The following ANAPC5 variants were observed in gnomAD, a reference collection of about 807,000 sequenced individuals.
ANAPC5 encodes the protein anaphase-promoting complex subunit 5.
Under a neutral mutation model 91.3 loss-of-function variants are expected in ANAPC5, and 60 were observed. The observed-to-expected ratio is 0.66, with a 90% CI of 0.53 to 0.81. The LOEUF is 0.81. ANAPC5 is among the 40% of genes least tolerant of loss of function. The pLI is 0.00. For synonymous variants in ANAPC5, 340 were observed against 364.1 expected, an observed-to-expected ratio of 0.93 and a Z score of 0.75; for missense variants, 690 against 931.5, an observed-to-expected ratio of 0.74 and a Z score of 3.37.
intron 9 of ANAPC5, chr12:121,329,049 C>G (rs1555272593): frequency 6.6e-6 from 1 of 152,532 alleles, no homozygotes; most frequent in African/African-American, 2.4e-5. Context: ...TGTAGTTAAG[C>G]CTGCGCTTAC....
At position 121,331,442 on chromosome 12, in the gene ANAPC5, A is replaced by C. The variant is rs782677197; in HGVS notation, c.951-14T>G. On this transcript the variant is annotated splice_polypyrimidine_tract_variant and intron_variant, in intron 7 of 16. Coordinates refer to ENST00000261819, the MANE Select transcript of ANAPC5 (RefSeq NM_016237.5). ...TCTGCCTGTTGACTAATGACAGACTAAACATTAATATCCCATTAATAATCA... is the reference window on the plus strand; with the variant it reads ...TCTGCCTGTTGACTAATGACAGACTCAACATTAATATCCCATTAATAATCA... 1.3e-6 allele frequency: 2 copies of C among 1,599,884 alleles called. No individual in the cohort carries two copies. Among genetic ancestry groups the C allele is most frequent in the African/African-American group, 2.7e-5 (2 of 74,688 alleles).
At position 121,331,505 on chromosome 12, in the gene ANAPC5, T is replaced by C. The variant is rs373004230; in HGVS notation, c.951-77A>G. On this transcript the variant is annotated intron_variant, in intron 7 of 16. Transcript: ENST00000261819. ...AGCAACCATAGCAGGAAGTCATCTG[T>C]ACACAGTCATCCAAATGCAGGTCTC... 458 of 1,221,938 alleles carry C rather than the reference T, an allele frequency of 3.7e-4. 2 individuals are homozygous for C. The African/African-American group carries it at 5.7e-3, about 15-fold the overall frequency. The allele number at this position is 1,221,938 out of a possible 1,614,324, so 75.7% of individuals were successfully genotyped here.
chr12:121,321,834 G>A (rs559899208), intron 11 of ANAPC5, among the ~76,000 whole-genome samples: 37 of 150,780 alleles, frequency 2.5e-4, no homozygotes, highest in Non-Finnish European at 4.7e-4. Flanking sequence ...CAATGTGCCC[G>A]GCTGACAAAT....
At chr12:121,310,052 A>T in intron 15 of ANAPC5, 189 bp from the exon 16 acceptor site, 1 of 459,756 alleles carries the variant, frequency 2.2e-6, no homozygotes. Context: ...TCAGACTATG[A>T]CAAATATAGC....
chr12:121,331,852 G>T lies in ANAPC5; in HGVS notation c.951-424C>A, dbSNP rs12582728. 8.2e-3 allele frequency: 1,266 copies of T among 153,564 alleles called. 15 individuals carry two copies. Among genetic ancestry groups the T allele is most frequent in the South Asian group, 0.042 (213 of 5,076 alleles). The allele number at this position is 153,564 out of a possible 1,614,324, so 9.5% of individuals were successfully genotyped here. A position where few individuals can be genotyped will look rare whatever the true frequency, so the allele number is the denominator to read the frequency against. On this transcript the variant is annotated intron_variant, in intron 7 of 16. Transcript: ENST00000261819. The stretch of plus-strand genomic sequence containing the variant: ...AAATCACTTTTATGTTTGTTTGTTT[G>T]TTTTTTAGAGACAGGGTCTCCCTCT...
chr12:121,317,378 C>T (rs930103405), intron 15 of ANAPC5, among the ~76,000 whole-genome samples: 6 of 151,900 alleles, frequency 3.9e-5, no homozygotes, highest in Admixed American at 3.3e-4. Flanking sequence ...CTCAGCCTCC[C>T]GAGTGGCTGG....
chr12:121,309,792 C>G lies in ANAPC5; in HGVS notation c.1965G>C (p.Gly655=). The change falls in exon 16 of 17, where the codon GGG becomes GGC. Residue 655 remains glycine, a synonymous_variant. Coordinates refer to ENST00000261819, the MANE Select transcript of ANAPC5 (RefSeq NM_016237.5). ...TGGCACGACCTTTGTCCAGGATAGCCCCGTCAGCCAAGATGGGCTCGATGG... is the reference window on the plus strand; with the variant it reads ...TGGCACGACCTTTGTCCAGGATAGCGCCGTCAGCCAAGATGGGCTCGATGG... ...HMAIEPILAD[G]AILDKGRAMF... 1.2e-6 allele frequency: 2 copies of G among 1,614,156 alleles called. No individual in the cohort carries two copies. Among genetic ancestry groups the G allele is most frequent in the Non-Finnish European group, 1.7e-6 (2 of 1,180,024 alleles).
chr12:121,351,757 C>A (rs1622534), intron 1 of ANAPC5, among the ~76,000 whole-genome samples: 99,639 of 151,862 alleles, frequency 0.66, 37,841 homozygotes, highest in Non-Finnish European at 0.84. Context: ...GCGCCCGGCC[C>A]GGTTTTATGG....
chr12:121,333,793 T>C (rs1404239937), intron 7 of ANAPC5: 1 of 152,216 alleles, frequency 6.6e-6, no homozygotes, highest in Non-Finnish European at 1.5e-5. Flanking sequence ...TCAATCAATC[T>C]AAGCTCTTTT....
At chr12:121,324,168 TA>T (rs1296797402) in intron 11 of ANAPC5, among the ~76,000 whole-genome samples, 1 of 151,882 alleles carries the variant, frequency 6.6e-6, no homozygotes, top group African/African-American at 2.4e-5. Flanking sequence ...AAGAAAAGAG[TA>T]ACTGGAGACT....
intron 3 of ANAPC5, 101 bp from the exon 4 acceptor site, chr12:121,346,132 T>A: frequency 1.1e-6 from 1 of 944,308 alleles, no homozygotes; most frequent in Non-Finnish European, 1.6e-6. Flanking sequence ...GAATTCTTCC[T>A]TCAGAAGAGT....
Position 121,308,500 on chromosome 12 carries a change from G to C in ANAPC5, c.2248C>G (p.Pro750Ala), listed in dbSNP as rs1271055996. ...CCTCTCTAGAGATGGTTTATCAAGG[G>C]TACCCCATGAGAGGGCAGCTCCTGA... Reference protein sequence around the residue: ...LHQELPSHGVPLINHL With the variant: ...LHQELPSHGVALINHL Residue 750 changes from proline to alanine, a missense_variant, in exon 17 of 17, where the codon CCC (proline) becomes GCC (alanine). Coordinates refer to ENST00000261819, the MANE Select transcript of ANAPC5 (RefSeq NM_016237.5). 1.2e-6 allele frequency: 2 copies of C among 1,614,052 alleles called. No homozygotes were observed. Among genetic ancestry groups the C allele is most frequent in the Non-Finnish European group, 1.7e-6 (2 of 1,180,024 alleles).
At chr12:121,331,189 G>A (rs1172055196) in intron 8 of ANAPC5, 158 bp downstream of exon 8, 6 of 560,070 alleles carry the variant, frequency 1.1e-5, no homozygotes, top group Non-Finnish European at 1.9e-5. Flanking sequence ...GGTAAGTAAA[G>A]ATAAGTTGCC....
At chr12:121,337,770 T>G (rs563112011) in intron 5 of ANAPC5, among the ~76,000 whole-genome samples, 2 of 152,202 alleles carry the variant, frequency 1.3e-5, no homozygotes, top group African/African-American at 4.8e-5. Context: ...CATGCTCCCA[T>G]AAGCCCTCTG....
At chr12:121,318,140 G>T (rs1284433253) in intron 15 of ANAPC5, 137 bp downstream of exon 15, 1 of 1,097,326 alleles carries the variant, frequency 9.1e-7, no homozygotes, top group Non-Finnish European at 1.2e-6. Context: ...TGGAGGGCTT[G>T]CACAGGAAGA....
chr12:121,335,541 G>A lies in ANAPC5; in HGVS notation c.942C>T (p.Phe314=), dbSNP rs369385246. 13 of 1,600,214 alleles carry A rather than the reference G, an allele frequency of 8.1e-6. No homozygotes were observed. Among genetic ancestry groups the A allele is most frequent in the Admixed American group, 6.8e-5 (4 of 58,508 alleles). The change falls in exon 7 of 17, where the codon TTC becomes TTT. Residue 314 remains phenylalanine (F), a synonymous_variant. Coordinates refer to ENST00000261819, the MANE Select transcript of ANAPC5 (RefSeq NM_016237.5). ...AAGGTCTATAAACTTACTAGTGACCGAAGCGGCAGTGCAGGGCGGCAAGAT... is the reference window on the plus strand; with the variant it reads ...AAGGTCTATAAACTTACTAGTGACCAAAGCGGCAGTGCAGGGCGGCAAGAT... The part of the protein sequence containing the change: ...ALNLAALHCR[F]GHYQQAELAL...
At position 121,339,261 on chromosome 12, in the gene ANAPC5, G is replaced by A. The variant is rs1227795466; in HGVS notation, c.658-1869C>T. On this transcript the variant is annotated intron_variant, in intron 5 of 16. Coordinates refer to ENST00000261819, the MANE Select transcript of ANAPC5 (RefSeq NM_016237.5). ...AGACAGTGCTTCTCCATGTTGGCCA[G>A]GGTGGTCTCAAACTCCTGACCTCAG... Among the ~76,000 whole-genome samples the A allele has an allele frequency of 1.3e-5, 2 of 151,916 alleles. 1 individual carries two copies. Among genetic ancestry groups the A allele is most frequent in the Non-Finnish European group, 2.9e-5 (2 of 67,998 alleles).
At chr12:121,309,980 A>G in intron 15 of ANAPC5, 117 bp from the exon 16 acceptor site, 1 of 956,782 alleles carries the variant, frequency 1.0e-6, no homozygotes, top group Non-Finnish European at 1.5e-6. Context: ...CTTTTACCTG[A>G]CATGTACTAC....
intron 1 of ANAPC5, chr12:121,351,306 G>T: frequency 3.2e-6 from 1 of 309,564 alleles, no homozygotes; most frequent in Middle Eastern, 1.2e-3. Flanking sequence ...CTGAGAGGTC[G>T]AGGCTGCAGT....
Sources: gnomAD v4.1 joint callset for allele counts (sites outside exome capture counted in the v4.1 genomes callset) on GRCh38, gnomAD v4.1.1 for gene constraint, MANE v1.5 for transcripts, NCBI Gene and HGNC (gene_info 2026-07-23, HGNC 2026-07-21) for gene names.